The following ANTXR2 variants were observed in gnomAD, a reference collection of about 807,000 sequenced individuals.
The protein encoded by ANTXR2 is ANTXR cell adhesion molecule 2, also known as anthrax toxin receptor 2.
A neutral mutation model predicts 73.7 loss-of-function variants in ANTXR2; 44 were observed. That is an observed-to-expected ratio of 0.60 (90% CI 0.47 to 0.77). ANTXR2 has a LOEUF of 0.77. Among genes scored for constraint, ANTXR2 ranks in the 30% least tolerant of loss-of-function variants. ANTXR2 has a pLI of 0.00. For missense variants in ANTXR2, 604 were observed against 592.5 expected, an observed-to-expected ratio of 1.02 and a Z score of -0.20; for synonymous variants, 217 against 205.9, an observed-to-expected ratio of 1.05 and a Z score of -0.46.
intron 10 of ANTXR2, among the ~76,000 whole-genome samples, chr4:80,020,484 T>C (rs973468120): frequency 6.6e-6 from 1 of 152,236 alleles, no homozygotes; most frequent in Non-Finnish European, 1.5e-5. Context: ...GTTCTTACTA[T>C]TGCCAGATGC....
intron 16 of ANTXR2, among the ~76,000 whole-genome samples, chr4:79,972,779 G>T (rs1430192886): frequency 7.6e-5 from 1 of 13,084 alleles, no homozygotes; most frequent in African/African-American, 1.5e-4. Flanking sequence ...GTGGGGTCGG[G>T]GGAGGGGGGA....
intron 16 of ANTXR2, among the ~76,000 whole-genome samples, chr4:79,975,233 C>T (rs914022166): frequency 6.6e-6 from 1 of 152,174 alleles, no homozygotes; most frequent in Non-Finnish European, 1.5e-5. Context: ...TCCCTAATCT[C>T]TCCTGAGGGA....
chr4:79,964,508 C>T (rs960169044), intron 16 of ANTXR2, among the ~76,000 whole-genome samples: 1 of 152,182 alleles, frequency 6.6e-6, no homozygotes, highest in Non-Finnish European at 1.5e-5. Context: ...CCCTGTCACT[C>T]CCTGGAAACT....
At chr4:79,973,585 G>C (rs568564077) in intron 16 of ANTXR2, among the ~76,000 whole-genome samples, 3 of 151,872 alleles carry the variant, frequency 2.0e-5, no homozygotes, top group African/African-American at 7.3e-5. Flanking sequence ...GCCCCACCAC[G>C]CCTGGCTAAT....
intron 7 of ANTXR2, 58 bp from the exon 8 acceptor site, chr4:80,036,090 G>A (rs1450852132): frequency 1.5e-6 from 2 of 1,350,098 alleles, no homozygotes; most frequent in African/African-American, 1.5e-5. Flanking sequence ...ACAATGTGAA[G>A]TAAATTATAA....
intron 16 of ANTXR2, among the ~76,000 whole-genome samples, chr4:79,971,660 C>T (rs1291237383): frequency 3.9e-5 from 1 of 25,646 alleles, no homozygotes; most frequent in Admixed American, 6.9e-4. Context: ...GAAAAACAAG[C>T]AATGGGGAAA....
rs906094196 is a variant in ANTXR2, at chr4:79,913,710, T to C, written c.1429-6243A>G. 1.3e-4 allele frequency among the ~76,000 whole-genome samples: 20 copies of C among 151,616 alleles called. No individual in the cohort carries two copies. The East Asian group carries it at 3.5e-3, about 26-fold the overall frequency. On this transcript the variant is annotated intron_variant, in intron 16 of 16. Transcript: ENST00000403729. Reference sequence around the variant, plus strand: ...TTGACTCTAAGTGGAATGCTAGCCATTTATTTCTCTAGGTCAATGGTTTTT... The same window carrying C: ...TTGACTCTAAGTGGAATGCTAGCCACTTATTTCTCTAGGTCAATGGTTTTT...
chr4:79,926,101 T>C (rs1727769773), intron 16 of ANTXR2, among the ~76,000 whole-genome samples: 1 of 152,126 alleles, frequency 6.6e-6, no homozygotes, highest in Non-Finnish European at 1.5e-5. Context: ...ACTTTCTAGA[T>C]AATTAAGTTT....
Position 80,031,684 on chromosome 4 carries a change from GT to G in ANTXR2, c.804del (p.Lys268AsnfsTer3). 1.3e-6 allele frequency: 2 copies of G among 1,491,250 alleles called. No individual in the cohort carries two copies. The highest frequency in any genetic ancestry group is 1.8e-6 in the Non-Finnish European group (2 of 1,125,322). The allele number at this position is 1,491,250 out of a possible 1,614,324, so 92.4% of individuals were successfully genotyped here. On this transcript the variant is annotated frameshift_variant, in exon 10 of 17. Transcript: ENST00000403729. LOFTEE classifies it high-confidence loss of function. ...TVNETYTTSV[K>X]PVSVQLNSML... Reference sequence around the variant, plus strand: ...ATAGAATTAAGCTGTACACTTACTGGTTTTACACCTAGAAAATAAAATGCCA... The same window carrying G: ...ATAGAATTAAGCTGTACACTTACTGGTTTACACCTAGAAAATAAAATGCCA...
In ANTXR2 at chr4:80,002,419, A is replaced by T. The variant is rs190908969; in HGVS notation, c.1041+6102T>A. 4.5e-3 allele frequency among the ~76,000 whole-genome samples: 687 copies of T among 152,202 alleles called. 9 individuals carry two copies. Among genetic ancestry groups the T allele is most frequent in the African/African-American group, 0.016 (653 of 41,526 alleles). Reference sequence around the variant, plus strand: ...TATACAAAAATTAATTCAAGATGAAATAAAGACTTAAACGTTAGACCTAAA... The same window carrying T: ...TATACAAAAATTAATTCAAGATGAATTAAAGACTTAAACGTTAGACCTAAA... On this transcript the variant is annotated intron_variant, in intron 12 of 16. Transcript: ENST00000403729.
At position 79,907,003 on chromosome 4, in the gene ANTXR2, T is replaced by C; in HGVS notation, c.*426A>G. The C allele has an allele frequency of 4.7e-6, 1 of 214,970 alleles. No homozygotes were observed. 13.3% of individuals were successfully genotyped at this position (214,970 alleles called of 1,614,324 possible). On this transcript the variant is annotated 3_prime_UTR_variant, in exon 17 of 17. Transcript: ENST00000403729. Reference sequence around the variant, plus strand: ...GCCTATGGATAAAGATCTTGCCACATAAAAACACAAGTGCCATGTTTCCAT... The same window carrying C: ...GCCTATGGATAAAGATCTTGCCACACAAAAACACAAGTGCCATGTTTCCAT...
chr4:80,015,899 AGG>A (rs1731827695), intron 11 of ANTXR2, among the ~76,000 whole-genome samples: 5 of 82,788 alleles, frequency 6.0e-5, no homozygotes, highest in African/African-American at 2.8e-4. Context: ...AGGAAAGGAA[AGG>A]AAAGGAAAGG....
chr4:79,980,802 A>T (rs1246766772), intron 14 of ANTXR2, among the ~76,000 whole-genome samples: 8 of 152,206 alleles, frequency 5.3e-5, no homozygotes, highest in Admixed American at 4.6e-4. Context: ...GAAGAAAAAA[A>T]TTCTAGGTAA....
Position 79,908,806 on chromosome 4 carries a change from G to T in ANTXR2, c.1429-1339C>A, listed in dbSNP as rs529718756. Reference sequence around the variant, plus strand: ...GTCATGTACTCCAGACTGTATTTTTGTGTTACCTAGAACTTTCAAACAAGA... The same window carrying T: ...GTCATGTACTCCAGACTGTATTTTTTTGTTACCTAGAACTTTCAAACAAGA... On this transcript the variant is annotated intron_variant, in intron 16 of 16. Transcript: ENST00000403729. 2.4e-4 allele frequency among the ~76,000 whole-genome samples: 36 copies of T among 152,198 alleles called. No individual in the cohort carries two copies. In the East Asian group the frequency reaches 5.4e-3, roughly 23 times the overall value.
At chr4:79,988,673 CA>C (rs1385688131) in intron 12 of ANTXR2, among the ~76,000 whole-genome samples, 3 of 151,884 alleles carry the variant, frequency 2.0e-5, no homozygotes, top group Non-Finnish European at 4.4e-5. Context: ...ACAGAATACC[CA>C]ACAACAACAG....
intron 12 of ANTXR2, among the ~76,000 whole-genome samples, chr4:79,994,600 A>G (rs892340178): frequency 7.5e-6 from 1 of 133,198 alleles, no homozygotes; most frequent in Non-Finnish European, 1.6e-5. Context: ...CCTGAGAATT[A>G]CATCCTCCTG....
intron 16 of ANTXR2, 137 bp from the exon 17 acceptor site, chr4:79,907,604 A>AT (rs375169628): frequency 7.0e-4 from 639 of 908,942 alleles, no homozygotes; most frequent in Non-Finnish European, 8.2e-4. Flanking sequence ...TGAAGTCATA[A>AT]TTTTTTTTTC....
chr4:79,948,833 T>G (rs1728603217), intron 16 of ANTXR2, among the ~76,000 whole-genome samples: 1 of 152,162 alleles, frequency 6.6e-6, no homozygotes, highest in Non-Finnish European at 1.5e-5. Context: ...AAAGTCTCTG[T>G]AGGTAACCTA....
intron 10 of ANTXR2, among the ~76,000 whole-genome samples, chr4:80,022,336 A>G (rs776809774): frequency 6.6e-6 from 1 of 152,212 alleles, no homozygotes. Flanking sequence ...ATTTTTCAGA[A>G]AAGTTGCAAA....
Sources: allele counts gnomAD v4.1 joint callset (sites outside exome capture counted in the v4.1 genomes callset), GRCh38; gene constraint gnomAD v4.1.1; transcripts MANE v1.5; gene names NCBI Gene and HGNC (gene_info 2026-07-23, HGNC 2026-07-21).